The following TUSC3 variants were observed in gnomAD, a reference collection of about 807,000 sequenced individuals.
TUSC3 encodes dolichyl-diphosphooligosaccharide--protein glycosyltransferase subunit TUSC3.
A neutral mutation model predicts 44.8 loss-of-function variants in TUSC3; 45 were observed. That is an observed-to-expected ratio of 1.00 (90% CI 0.79 to 1.29). The LOEUF is 1.29. Ranked by LOEUF, TUSC3 falls within the 50% of genes most tolerant of loss-of-function variation. The pLI is 0.00. For synonymous variants in TUSC3, 212 were observed against 152.9 expected (o/e 1.39, Z -2.85); for missense variants, 519 against 437.9 (o/e 1.19, Z -1.65).
intron 6 of TUSC3, among the ~76,000 whole-genome samples, chr8:15,693,025 C>G (rs1808988729): frequency 6.6e-6 from 1 of 152,218 alleles, no homozygotes; most frequent in African/African-American, 2.4e-5. Flanking sequence ...TCCTCCATCT[C>G]TTCACATTGA....
chr8:15,452,617 T>C (rs1361274910), intron 1 of TUSC3, among the ~76,000 whole-genome samples: 1 of 152,164 alleles, frequency 6.6e-6, no homozygotes, highest in African/African-American at 2.4e-5. Flanking sequence ...AAGGCAGACT[T>C]ACGTCTGCCT....
At chr8:15,463,064 C>G (rs1274442852) in intron 1 of TUSC3, among the ~76,000 whole-genome samples, 1 of 151,894 alleles carries the variant, frequency 6.6e-6, no homozygotes, top group Non-Finnish European at 1.5e-5. Flanking sequence ...CTTCCTCTAC[C>G]TTCTCCTTTT....
chr8:15,555,090 A>G lies in TUSC3; in HGVS notation c.138+14522A>G, dbSNP rs1407389402. 5.3e-5 allele frequency among the ~76,000 whole-genome samples: 8 copies of G among 149,586 alleles called. 1 individual carries two copies. Among genetic ancestry groups the G allele is most frequent in the Non-Finnish European group, 1.0e-4 (7 of 67,388 alleles). ...GGTTGTTATTTTGAAAAATTTACAT[A>G]AGATTTCTCCTTGATTAGGTACGTA... On this transcript the variant is annotated intron_variant, in intron 1 of 10. Coordinates refer to ENST00000503731, the MANE Select transcript of TUSC3 (RefSeq NM_006765.4).
intron 1 of TUSC3, among the ~76,000 whole-genome samples, chr8:15,568,193 A>C (rs1372393399): frequency 1.3e-5 from 2 of 152,152 alleles, no homozygotes; most frequent in African/African-American, 4.8e-5. Context: ...TTTGTCTCTC[A>C]CTTGGGCACG....
At chr8:15,516,909 G>T (rs1316735449) in intron 2 of TUSC3, among the ~76,000 whole-genome samples, 2 of 152,106 alleles carry the variant, frequency 1.3e-5, no homozygotes, top group Admixed American at 6.5e-5. Context: ...ATTTTAAGGA[G>T]TGAGATTAAT....
At chr8:15,611,144 T>C (rs1804743333) in intron 1 of TUSC3, among the ~76,000 whole-genome samples, 1 of 152,182 alleles carries the variant, frequency 6.6e-6, no homozygotes, top group African/African-American at 2.4e-5. Context: ...CTTTAATTTT[T>C]ATAGTGTTCT....
At chr8:15,608,617 G>T (rs1328529024) in intron 1 of TUSC3, among the ~76,000 whole-genome samples, 5 of 152,096 alleles carry the variant, frequency 3.3e-5, no homozygotes, top group African/African-American at 1.2e-4. Context: ...TTATGGGGGT[G>T]GTTTCCCCCA....
chr8:15,752,004 G>A (rs773687138), intron 9 of TUSC3, among the ~76,000 whole-genome samples: 62 of 152,136 alleles, frequency 4.1e-4, no homozygotes, highest in Admixed American at 2.0e-4. Flanking sequence ...TAGACATGCC[G>A]TGGTGCTTAC....
At chr8:15,733,671 C>T (rs1289727809) in intron 7 of TUSC3, 2 of 154,918 alleles carry the variant, frequency 1.3e-5, no homozygotes, top group South Asian at 1.9e-4. Flanking sequence ...TTTGTTGCTT[C>T]ATTTTTCCTG....
At chr8:15,664,082 G>A (rs1807546087) in intron 5 of TUSC3, among the ~76,000 whole-genome samples, 1 of 151,724 alleles carries the variant, frequency 6.6e-6, no homozygotes. Flanking sequence ...ACTCTTTACT[G>A]ATCTCTTTTT....
intron 8 of TUSC3, among the ~76,000 whole-genome samples, chr8:15,745,935 C>CTATA (rs1563202348): frequency 6.6e-6 from 1 of 151,880 alleles, no homozygotes; most frequent in East Asian, 1.9e-4. Flanking sequence ...TACTTTTCAT[C>CTATA]TATATGGTGA....
intron 1 of TUSC3, among the ~76,000 whole-genome samples, chr8:15,546,439 A>T (rs931037298): frequency 3.3e-5 from 5 of 151,816 alleles, no homozygotes; most frequent in African/African-American, 1.2e-4. Context: ...GGACTATTTT[A>T]CAAGAAGTAT....
the TUSC3 span, among the ~76,000 whole-genome samples, chr8:15,828,012 G>A: frequency 2.0e-5 from 1 of 51,032 alleles, no homozygotes; most frequent in Admixed American, 1.7e-4. Context: ...TTTTTTTTTT[G>A]ACACGGAGTT....
chr8:15,516,428 A>C (rs992490013), intron 2 of TUSC3, among the ~76,000 whole-genome samples: 1 of 152,198 alleles, frequency 6.6e-6, no homozygotes, highest in Non-Finnish European at 1.5e-5. Flanking sequence ...ACCAAGCATT[A>C]CACTTGGGAT....
chr8:15,574,432 T>C (rs1020895575), intron 1 of TUSC3, among the ~76,000 whole-genome samples: 3 of 152,172 alleles, frequency 2.0e-5, no homozygotes, highest in Non-Finnish European at 4.4e-5. Context: ...GTCATTCTGC[T>C]CTCATTTATT....
intron 9 of TUSC3, 32 bp downstream of exon 9, chr8:15,748,497 A>G (rs1811520367): frequency 2.0e-6 from 3 of 1,466,274 alleles, no homozygotes; most frequent in Non-Finnish European, 2.9e-6. Flanking sequence ...GAATGTTTTT[A>G]TTTTTAACTA....
chr8:15,494,524 A>T (rs1800854077), intron 2 of TUSC3, among the ~76,000 whole-genome samples: 1 of 152,024 alleles, frequency 6.6e-6, no homozygotes, highest in African/African-American at 2.4e-5. Flanking sequence ...TCACTGTGTT[A>T]GCCAGGATGG....
intron 2 of TUSC3, among the ~76,000 whole-genome samples, chr8:15,500,554 A>G (rs948940483): frequency 6.6e-6 from 1 of 152,224 alleles, no homozygotes; most frequent in Non-Finnish European, 1.5e-5. Context: ...TTTACAAAGA[A>G]TGATTGTCTC....
At chr8:15,519,605 A>G (rs979286141) in intron 2 of TUSC3, among the ~76,000 whole-genome samples, 1 of 151,976 alleles carries the variant, frequency 6.6e-6, no homozygotes, top group Non-Finnish European at 1.5e-5. Context: ...TAGGTTGTGT[A>G]CTCCTTATGA....
Sources: gnomAD v4.1 joint callset for allele counts (sites outside exome capture counted in the v4.1 genomes callset) on GRCh38, gnomAD v4.1.1 for gene constraint, MANE v1.5 for transcripts, NCBI Gene and HGNC (gene_info 2026-07-23, HGNC 2026-07-21) for gene names.